PCDHGA3: variants seen among roughly 807,000 people sequenced by gnomAD.
The protein encoded by PCDHGA3 is protocadherin gamma-A3.
PCDHGA3 carries 40 observed loss-of-function variants against 58.5 expected under a neutral mutation model. The ratio of observed to expected loss-of-function variants is 0.68; its 90% confidence interval spans 0.53 to 0.89. The LOEUF is 0.89. Ranked by LOEUF, PCDHGA3 falls within the 40% of genes least tolerant of loss-of-function variation. The pLI, the probability that PCDHGA3 is intolerant of heterozygous loss-of-function variation, is 0.00. For synonymous variants in PCDHGA3, 530 were observed against 525.7 expected, an observed-to-expected ratio of 1.01 and a Z score of -0.11; for missense variants, 1,223 against 1,195.9, an observed-to-expected ratio of 1.02 and a Z score of -0.33.
rs367793525 is a variant in PCDHGA3, at chr5:141,352,460, G to A, written c.2424+6003G>A. ...CGGTCTCTGCTCCAAGTCTGGGCCC[G>A]GGGTTCCTCCCAACCACAGCGAGGG... On this transcript the variant is annotated intron_variant, in intron 1 of 3. Transcript: ENST00000253812. 3.1e-6 allele frequency: 5 copies of A among 1,613,896 alleles called. No homozygotes were observed. Among genetic ancestry groups the A allele is most frequent in the Non-Finnish European group, 3.4e-6 (4 of 1,179,906 alleles).
chr5:141,385,182 G>T (rs374159387), intron 1 of PCDHGA3: 2 of 1,614,138 alleles, frequency 1.2e-6, no homozygotes, highest in Non-Finnish European at 8.5e-7. Flanking sequence ...CCCTCACCGC[G>T]GACTCTCGGA....
At chr5:141,501,290 TACACACACACACACACACACACACAC>T (rs55762287) in intron 2 of PCDHGA3, among the ~76,000 whole-genome samples, 1 of 136,164 alleles carries the variant, frequency 7.3e-6, no homozygotes, top group Non-Finnish European at 1.6e-5. Flanking sequence ...TATTCCCTTA[TACACACACACACACACACACACACAC>T]ACACACACAC....
intron 1 of PCDHGA3, chr5:141,388,961 G>C: frequency 6.2e-7 from 1 of 1,614,042 alleles, no homozygotes; most frequent in Non-Finnish European, 8.5e-7. Flanking sequence ...AGGACGCCGA[G>C]CTGGGAACAC....
At chr5:141,376,530 G>T (rs200613052) in intron 1 of PCDHGA3, 35 of 1,613,550 alleles carry the variant, frequency 2.2e-5, no homozygotes, top group Non-Finnish European at 2.8e-5. Flanking sequence ...CCGCCTAAGC[G>T]GGAAGAGTAA....
At chr5:141,382,164 T>A (rs938169976) in intron 1 of PCDHGA3, among the ~76,000 whole-genome samples, 5 of 152,100 alleles carry the variant, frequency 3.3e-5, no homozygotes, top group Non-Finnish European at 5.9e-5. Context: ...AATGAAGGTG[T>A]TAGACCGTCT....
In PCDHGA3 at chr5:141,491,425, C is replaced by CA; in HGVS notation, c.2425-3381dup. The CA allele has an allele frequency of 6.2e-7, 1 of 1,614,076 alleles. No homozygotes were observed. The highest frequency in any genetic ancestry group is 8.5e-7 in the Non-Finnish European group (1 of 1,179,996). On this transcript the variant is annotated intron_variant, in intron 1 of 3. Coordinates refer to ENST00000253812, the MANE Select transcript of PCDHGA3 (RefSeq NM_018916.4). The surrounding 1 kb of genome is among the most constrained non-coding windows in gnomAD (Gnocchi z 6.9). ...CGCAGACGGGGACGGGGGTGGAGGG[C>CA]AGTGCTGCAGGCGCCAGGACTCACC...
At chr5:141,428,230 C>A in intron 1 of PCDHGA3, 1 of 1,073,982 alleles carries the variant, frequency 9.3e-7, no homozygotes, top group Non-Finnish European at 1.4e-6. Flanking sequence ...CGCAGACAGC[C>A]TGCAGGAGGC....
At position 141,490,785 on chromosome 5, in the gene PCDHGA3, G is replaced by A. The variant is rs1021708826; in HGVS notation, c.2425-4022G>A. 1.2e-6 allele frequency: 2 copies of A among 1,614,066 alleles called. No individual in the cohort carries two copies. Among genetic ancestry groups the A allele is most frequent in the Non-Finnish European group, 1.7e-6 (2 of 1,179,952 alleles). On this transcript the variant is annotated intron_variant, in intron 1 of 3. Coordinates refer to ENST00000253812, the MANE Select transcript of PCDHGA3 (RefSeq NM_018916.4). The surrounding 1 kb of genome is among the most constrained non-coding windows in gnomAD (Gnocchi z 5.4). ...TGTATGTCAACCCAGAGGATGGACG[G>A]ATCTTTGCCCAGCGTACCTTTGACT...
intron 3 of PCDHGA3, among the ~76,000 whole-genome samples, chr5:141,505,697 C>T (rs540949327): frequency 1.4e-4 from 21 of 152,198 alleles, no homozygotes; most frequent in Admixed American, 7.2e-4. Context: ...TGGAGGAGAG[C>T]GAACAAGGAA....
rs1757428106 is a variant in PCDHGA3, at chr5:141,344,511, C to T, written c.478C>T (p.Pro160Ser). 2 of 1,613,854 alleles carry T rather than the reference C, an allele frequency of 1.2e-6. No individual in the cohort carries two copies. Among genetic ancestry groups the T allele is most frequent in the East Asian group, 2.2e-5 (1 of 44,882 alleles). The change falls in exon 1 of 4, where the codon CCA becomes TCA. Residue 160 changes from proline to serine, a missense_variant. This residue lies in a region of PCDHGA3 where 791 missense variants were observed against 708.5 expected (regional missense o/e 1.12). Coordinates refer to ENST00000253812, the MANE Select transcript of PCDHGA3 (RefSeq NM_018916.4). ...ATTTCCAATTAAAACTGCTTTTGAC[C>T]CAGATGTAGGCATTAACTCCCTGCA... ...TRFPIKTAFDPDVGINSLQNY... is the reference protein window; with the variant it reads ...TRFPIKTAFDSDVGINSLQNY...
At chr5:141,404,068 T>C (rs2094481501) in intron 1 of PCDHGA3, 3 of 1,613,782 alleles carry the variant, frequency 1.9e-6, no homozygotes, top group Non-Finnish European at 2.5e-6. Flanking sequence ...TCAATGCTCA[T>C]GACCGAGACT....
intron 1 of PCDHGA3, chr5:141,383,390 C>A: frequency 6.2e-7 from 1 of 1,614,006 alleles, no homozygotes; most frequent in South Asian, 1.1e-5. Flanking sequence ...GATGTGGGCA[C>A]GAACTCCCTC....
At chr5:141,410,216 C>T in intron 1 of PCDHGA3, 1 of 1,614,002 alleles carries the variant, frequency 6.2e-7, no homozygotes, top group Non-Finnish European at 8.5e-7. Flanking sequence ...GCAAGAGATA[C>T]TGCCAGACCT....
Position 141,490,241 on chromosome 5 carries a change from G to T in PCDHGA3, c.2425-4566G>T. 2 of 1,614,246 alleles carry T rather than the reference G, an allele frequency of 1.2e-6. No individual in the cohort carries two copies. Among genetic ancestry groups the T allele is most frequent in the Non-Finnish European group, 1.7e-6 (2 of 1,180,048 alleles). On this transcript the variant is annotated intron_variant, in intron 1 of 3. Transcript: ENST00000253812. This position sits in a 1 kb window ranked among gnomAD's most constrained non-coding sequence, Gnocchi z 5.4. Reference sequence around the variant, plus strand: ...GGACAGCCTGCCATGGAGGGCCACTGTGTGATTCAAGTGGATGTGGGGGAT... The same window carrying T: ...GGACAGCCTGCCATGGAGGGCCACTTTGTGATTCAAGTGGATGTGGGGGAT...
chr5:141,394,997 C>T lies in PCDHGA3; in HGVS notation c.2424+48540C>T, dbSNP rs771459458. On this transcript the variant is annotated intron_variant, in intron 1 of 3. Coordinates refer to ENST00000253812, the MANE Select transcript of PCDHGA3 (RefSeq NM_018916.4). ...ACAAGTCACGCCTGCTCCAGGATTC[C>T]GGTGGCAGATTGGTAGGCGTGCCTG... 3.4e-5 allele frequency: 55 copies of T among 1,613,898 alleles called. No individual in the cohort carries two copies. In the East Asian group the frequency reaches 1.1e-3, roughly 32 times the overall value.
chr5:141,419,671 G>T (rs532058652), intron 1 of PCDHGA3: 1 of 1,612,894 alleles, frequency 6.2e-7, no homozygotes, highest in East Asian at 2.2e-5. Context: ...ATGCCTGGCT[G>T]TCCTACCACG....
At chr5:141,408,947 ATTAGTC>A in intron 1 of PCDHGA3, 6 of 1,613,666 alleles carry the variant, frequency 3.7e-6, no homozygotes, top group Non-Finnish European at 5.1e-6. Context: ...CGAATATAGA[ATTAGTC>A]TTAGTGAAAA....
At chr5:141,405,227 C>A (rs562247940) in intron 1 of PCDHGA3, 1 of 1,614,114 alleles carries the variant, frequency 6.2e-7, no homozygotes. Context: ...GGAGTTCTCC[C>A]TCACCGCTGA....
chr5:141,362,421 G>A (rs1292058776), intron 1 of PCDHGA3: 1 of 1,613,910 alleles, frequency 6.2e-7, no homozygotes, highest in African/African-American at 1.3e-5. Context: ...AATCAGCCAA[G>A]ACAGAGTTCA....
Sources: allele counts gnomAD v4.1 joint callset (sites outside exome capture counted in the v4.1 genomes callset), GRCh38; gene constraint gnomAD v4.1.1; regional missense constraint gnomAD v4.1.1; non-coding constraint Gnocchi (gnomAD v3.1); transcripts MANE v1.5; gene names NCBI Gene and HGNC (gene_info 2026-07-23, HGNC 2026-07-21).